Variants in LDLRAD4 observed in about 807,000 individuals in gnomAD.
LDLRAD4 encodes low-density lipoprotein receptor class A domain-containing protein 4.
Under a neutral mutation model 17.0 loss-of-function variants are expected in LDLRAD4, and 5 were observed. The observed-to-expected ratio is 0.29, with a 90% CI of 0.15 to 0.62. LDLRAD4 has a LOEUF of 0.62. LDLRAD4 is among the 20% of genes least tolerant of loss of function. LDLRAD4 has a pLI of 0.84. For missense variants in LDLRAD4, 340 were observed against 424.7 expected, an observed-to-expected ratio of 0.80 and a Z score of 1.75; for synonymous variants, 168 against 171.8, an observed-to-expected ratio of 0.98 and a Z score of 0.17.
At chr18:13,616,372 T>G (rs1454947936) in intron 3 of LDLRAD4, among the ~76,000 whole-genome samples, 1 of 152,204 alleles carries the variant, frequency 6.6e-6, no homozygotes, top group Non-Finnish European at 1.5e-5. Context: ...AAGAACCTGT[T>G]GACTGCAGTT....
At chr18:13,519,412 G>C (rs2093919173) in intron 3 of LDLRAD4, among the ~76,000 whole-genome samples, 1 of 152,098 alleles carries the variant, frequency 6.6e-6, no homozygotes, top group Non-Finnish European at 1.5e-5. Flanking sequence ...TTCTTTCATT[G>C]ATTTCCTCAA....
At chr18:13,424,784 C>G (rs886947560) in intron 2 of LDLRAD4, among the ~76,000 whole-genome samples, 1 of 152,128 alleles carries the variant, frequency 6.6e-6, no homozygotes, top group East Asian at 1.9e-4. Context: ...CATGAAGGTG[C>G]AGTGATGGGA....
chr18:13,568,990 A>G (rs984290829), intron 3 of LDLRAD4, among the ~76,000 whole-genome samples: 2 of 152,116 alleles, frequency 1.3e-5, no homozygotes, highest in Non-Finnish European at 2.9e-5. Flanking sequence ...ACCCAATGTG[A>G]TGTTTGTAGG....
At chr18:13,232,829 C>G (rs1351317603) in intron 1 of LDLRAD4, among the ~76,000 whole-genome samples, 1 of 152,200 alleles carries the variant, frequency 6.6e-6, no homozygotes, top group Non-Finnish European at 1.5e-5. Flanking sequence ...GAGGCGCGTG[C>G]CAGCTGTGAT....
intron 2 of LDLRAD4, among the ~76,000 whole-genome samples, chr18:13,396,171 A>G (rs1032090194): frequency 2.6e-5 from 4 of 152,314 alleles, no homozygotes; most frequent in African/African-American, 9.6e-5. Flanking sequence ...CTCTCAATTT[A>G]TGTTGGCATT....
intron 2 of LDLRAD4, chr18:13,420,374 G>A (rs908133472): frequency 5.9e-5 from 9 of 152,218 alleles, no homozygotes; most frequent in African/African-American, 2.2e-4. Context: ...ACAAGGGTGA[G>A]ATTATAAGGA....
chr18:13,611,881 C>G, intron 3 of LDLRAD4: 5 of 983,252 alleles, frequency 5.1e-6, no homozygotes, highest in Non-Finnish European at 6.0e-6. Context: ...CCGCTGGGAG[C>G]TGCTCCCATC....
At chr18:13,462,688 C>A (rs34691258) in intron 3 of LDLRAD4, among the ~76,000 whole-genome samples, 7,376 of 152,260 alleles carry the variant, frequency 0.048, 219 homozygotes, top group South Asian at 0.11. Context: ...TATATCAATG[C>A]GGAAGGTGGG....
Position 13,500,013 on chromosome 18 carries a change from G to A in LDLRAD4, c.181+61629G>A, listed in dbSNP as rs75395599. On this transcript the variant is annotated intron_variant, in intron 3 of 5. Transcript: ENST00000359446. ...ACCTTCCTGATTGACAGGGACTTTCGGTTTTCTATTTAGAAGCACATGTTT... is the reference window on the plus strand; with the variant it reads ...ACCTTCCTGATTGACAGGGACTTTCAGTTTTCTATTTAGAAGCACATGTTT... 4.2e-3 allele frequency among the ~76,000 whole-genome samples: 646 copies of A among 152,140 alleles called. 7 individuals carry two copies. Among genetic ancestry groups the A allele is most frequent in the African/African-American group, 0.014 (599 of 41,494 alleles).
At chr18:13,627,377 G>A (rs1309389777) in intron 4 of LDLRAD4, among the ~76,000 whole-genome samples, 1 of 152,218 alleles carries the variant, frequency 6.6e-6, no homozygotes, top group Non-Finnish European at 1.5e-5. Flanking sequence ...CTGTGAGGTG[G>A]CTGCCATGGA....
chr18:13,573,195 C>T (rs1294577049), intron 3 of LDLRAD4, among the ~76,000 whole-genome samples: 1 of 152,228 alleles, frequency 6.6e-6, no homozygotes, highest in Non-Finnish European at 1.5e-5. Context: ...GCCTCCGCCT[C>T]CCGGGTTGAA....
At chr18:13,343,595 C>T (rs1212150228) in intron 1 of LDLRAD4, among the ~76,000 whole-genome samples, 8 of 152,184 alleles carry the variant, frequency 5.3e-5, no homozygotes, top group Admixed American at 5.2e-4. Context: ...TGGGTATATA[C>T]CCAGTAATGG....
At chr18:13,423,613 A>G (rs1053956762) in intron 2 of LDLRAD4, 6 of 152,172 alleles carry the variant, frequency 3.9e-5, no homozygotes, top group Non-Finnish European at 8.8e-5. Context: ...GTGCTCACTC[A>G]CTCTCCATTT....
intron 1 of LDLRAD4, among the ~76,000 whole-genome samples, chr18:13,338,765 G>A (rs1051015848): frequency 5.9e-5 from 9 of 152,114 alleles, no homozygotes; most frequent in African/African-American, 1.2e-4. Context: ...ATTCTGGCTC[G>A]TGTGTTTTTT....
intron 3 of LDLRAD4, among the ~76,000 whole-genome samples, chr18:13,453,986 C>T (rs1332779709): frequency 2.6e-5 from 4 of 152,388 alleles, no homozygotes; most frequent in East Asian, 1.9e-4. Flanking sequence ...TTCATTCCGG[C>T]GCTGCCGCCG....
intron 3 of LDLRAD4, among the ~76,000 whole-genome samples, chr18:13,557,724 C>T (rs536324462): frequency 4.1e-4 from 63 of 152,102 alleles, no homozygotes; most frequent in Non-Finnish European, 7.5e-4. Flanking sequence ...TATAGGGAGA[C>T]GAGAAATTGT....
At chr18:13,478,112 C>G (rs1173186051) in intron 3 of LDLRAD4, among the ~76,000 whole-genome samples, 1 of 152,214 alleles carries the variant, frequency 6.6e-6, no homozygotes, top group Non-Finnish European at 1.5e-5. Context: ...CTCCCCTCCT[C>G]ACGGTCTCTG....
chr18:13,279,202 C>T (rs373495704), intron 1 of LDLRAD4, among the ~76,000 whole-genome samples: 6 of 152,208 alleles, frequency 3.9e-5, no homozygotes, highest in Admixed American at 6.5e-5. Context: ...CCAGACCGCA[C>T]GCCTTGTGGA....
At chr18:13,611,592 T>G (rs565152227) in intron 3 of LDLRAD4, 41 of 985,328 alleles carry the variant, frequency 4.2e-5, no homozygotes, top group Admixed American at 2.5e-4. Context: ...TCCTGAGACA[T>G]GTCTCTGCTT....
Sources: gnomAD v4.1 joint callset for allele counts (sites outside exome capture counted in the v4.1 genomes callset) on GRCh38, gnomAD v4.1.1 for gene constraint, MANE v1.5 for transcripts, NCBI Gene and HGNC (gene_info 2026-07-23, HGNC 2026-07-21) for gene names.